OC90: variants seen among roughly 807,000 people sequenced by gnomAD.
OC90 encodes otoconin 90.
OC90 carries 46 observed loss-of-function variants against 47.3 expected under a neutral mutation model. That is an observed-to-expected ratio of 0.97 (90% CI 0.77 to 1.24). The LOEUF is 1.24. Ranked by LOEUF, OC90 falls within the 50% of genes most tolerant of loss-of-function variation. The pLI, the probability that OC90 is intolerant of heterozygous loss-of-function variation, is 0.00. For missense variants in OC90, 688 were observed against 583.9 expected (o/e 1.18, Z -1.84); for synonymous variants, 271 against 219.5 (o/e 1.23, Z -2.07).
Position 132,024,314 on chromosome 8 carries a change from C to T in OC90, c.*167G>A, listed in dbSNP as rs112589631. On this transcript the variant is annotated 3_prime_UTR_variant, in exon 14 of 14. Transcript: ENST00000254627. Reference sequence around the variant, plus strand: ...AAGTGTACATTGGCTTGTGAGGTGACCACAGCTGATGAGGCATGGGCAGGG... The same window carrying T: ...AAGTGTACATTGGCTTGTGAGGTGATCACAGCTGATGAGGCATGGGCAGGG... The T allele has an allele frequency of 0.012, 6,807 of 562,326 alleles. 66 individuals carry two copies. Among genetic ancestry groups the T allele is most frequent in the Non-Finnish European group, 0.016 (5,173 of 324,362 alleles). The allele number at this position is 562,326 out of a possible 1,614,324, so 34.8% of individuals were successfully genotyped here.
intron 13 of OC90, among the ~76,000 whole-genome samples, chr8:132,026,610 G>A (rs573741419): frequency 3.9e-5 from 6 of 152,192 alleles, no homozygotes; most frequent in Non-Finnish European, 7.3e-5. Context: ...TGGTACAGGA[G>A]GCTATCCTTA....
chr8:132,037,736 G>A (rs1359721387), intron 8 of OC90, among the ~76,000 whole-genome samples: 1 of 152,216 alleles, frequency 6.6e-6, no homozygotes, highest in East Asian at 1.9e-4. Flanking sequence ...TTCAGGTTCA[G>A]ATCCTGGCTG....
At chr8:132,030,028 G>A (rs980130992) in intron 12 of OC90, among the ~76,000 whole-genome samples, 4 of 151,882 alleles carry the variant, frequency 2.6e-5, no homozygotes, top group Admixed American at 6.6e-5. Context: ...TAACTTTTCC[G>A]CATTGCTAGC....
intron 2 of OC90, among the ~76,000 whole-genome samples, chr8:132,046,882 G>C (rs1189641157): frequency 3.3e-5 from 5 of 152,162 alleles, no homozygotes; most frequent in Non-Finnish European, 7.4e-5. Flanking sequence ...CCCCCAGGTG[G>C]TGTCTGAGTT....
chr8:132,041,724 G>A (rs749731732), intron 4 of OC90, 25 bp from the exon 5 acceptor site: 7 of 1,477,112 alleles, frequency 4.7e-6, no homozygotes, highest in South Asian at 3.5e-5. Context: ...GGCAGGGCCT[G>A]ATAAGCACTG....
chr8:132,038,825 G>T lies in OC90; in HGVS notation c.593C>A (p.Thr198Asn). ...AAGTGTTGTCAAGTCTTCCTTGATG[G>T]TTGTCTCTGAAAAGAAAACACTTTG... ...SFCLAQTPET[T>N]IKEDLTTLLP... is the part of the protein sequence containing the mutation. Residue 198 changes from threonine to asparagine, a missense_variant, in exon 8 of 14, where the codon ACC becomes AAC. By Grantham distance (65) the Thr-to-Asn change is moderately conservative. Transcript: ENST00000254627. 1 of 1,613,872 alleles carries T rather than the reference G, an allele frequency of 6.2e-7. No homozygotes were observed.
intron 3 of OC90, 78 bp downstream of exon 3, chr8:132,045,740 C>T: frequency 2.4e-6 from 2 of 822,920 alleles, no homozygotes; most frequent in South Asian, 1.5e-5. Context: ...AGGGTGTATT[C>T]AGAAGGGATC....
At chr8:132,056,788 A>G (rs189832371) in intron 1 of OC90, among the ~76,000 whole-genome samples, 10 of 152,330 alleles carry the variant, frequency 6.6e-5, no homozygotes, top group African/African-American at 2.4e-4. Context: ...CCTCATTGAA[A>G]TGATACCCAC....
In OC90 at chr8:132,031,952, C is replaced by T. The variant is rs772606504; in HGVS notation, c.960G>A (p.Pro320=). ...EMLFCLTSRC[P]EEFESYGCYC... is the part of the protein sequence containing the mutation. ...AACAGCCATAAGACTCAAATTCCTC[C>T]GGGCACCGGGATGTCAGACAAAAGA... Residue 320 remains proline (P), a synonymous_variant, in exon 12 of 14, where the codon CCG becomes CCA. Transcript: ENST00000254627. 36 of 1,613,898 alleles carry T rather than the reference C, an allele frequency of 2.2e-5. No homozygotes were observed. The highest frequency in any genetic ancestry group is 6.7e-5 in the African/African-American group (5 of 74,946).
chr8:132,032,086 A>G (rs932833107), intron 11 of OC90, 34 bp from the exon 12 acceptor site: 43 of 1,601,300 alleles, frequency 2.7e-5, no homozygotes, highest in African/African-American at 4.0e-5. Flanking sequence ...GAGAGCAAGG[A>G]CTGTCGGGGC....
At chr8:132,049,308 G>A (rs1823181291) in intron 2 of OC90, among the ~76,000 whole-genome samples, 1 of 146,874 alleles carries the variant, frequency 6.8e-6, no homozygotes, top group Non-Finnish European at 1.5e-5. Context: ...AAGATCTCCA[G>A]CTTCTTAATG....
intron 2 of OC90, among the ~76,000 whole-genome samples, chr8:132,048,389 A>G (rs1823163896): frequency 1.3e-5 from 2 of 151,872 alleles, no homozygotes; most frequent in African/African-American, 4.9e-5. Flanking sequence ...CACAGAAGGA[A>G]CTGAGAGCAA....
rs183454073 is a variant in OC90, at chr8:132,024,576, C to T, written c.1339G>A (p.Glu447Lys). Residue 447 changes from glutamate to lysine, a missense_variant, in exon 14 of 14, where the codon GAG (glutamate) becomes AAG (lysine). Transcript: ENST00000254627. ...TLGSSSEEDS[E>K]EDPPQEDLGR... ...AGGTCCTCCTGTGGAGGGTCCTCCTCGCTGTCCTCCTCAGAGCTGGAGCCC... is the reference window on the plus strand; with the variant it reads ...AGGTCCTCCTGTGGAGGGTCCTCCTTGCTGTCCTCCTCAGAGCTGGAGCCC... 162 of 1,613,344 alleles carry T rather than the reference C, an allele frequency of 1.0e-4. No individual in the cohort carries two copies. The highest frequency in any genetic ancestry group is 6.7e-4 in the African/African-American group (50 of 75,058).
rs1324125099 is a variant in OC90, at chr8:132,059,349, C to T, written c.-56G>A. On this transcript the variant is annotated 5_prime_UTR_variant, in exon 1 of 14. Transcript: ENST00000254627. ...GAATAACAGATGCCTACCGTGAAGG[C>T]TCCACTGGAGTGCAGCTGGATGAAT... is the stretch of plus-strand genomic sequence containing the variant. The T allele has an allele frequency of 1.3e-5, 2 of 151,438 alleles. No individual in the cohort carries two copies. Among genetic ancestry groups the T allele is most frequent in the African/African-American group, 4.8e-5 (2 of 41,276 alleles). The allele number at this position is 151,438 out of a possible 1,614,324, so 9.4% of individuals were successfully genotyped here.
intron 13 of OC90, among the ~76,000 whole-genome samples, 186 bp from the exon 14 acceptor site, chr8:132,024,962 A>G (rs1822734554): frequency 6.6e-6 from 1 of 152,212 alleles, no homozygotes; most frequent in Non-Finnish European, 1.5e-5. Context: ...TCCCTCTGCC[A>G]GGAATGCTGT....
chr8:132,043,305 C>A (rs1407836290), intron 4 of OC90, among the ~76,000 whole-genome samples: 2 of 152,188 alleles, frequency 1.3e-5, no homozygotes, highest in Admixed American at 6.5e-5. Flanking sequence ...TCCTGTTAAC[C>A]CTGTAAGGCA....
chr8:132,038,679 C>G, intron 8 of OC90, 111 bp downstream of exon 8: 6 of 826,334 alleles, frequency 7.3e-6, no homozygotes, highest in East Asian at 5.2e-5. Context: ...TCCAGTGTCA[C>G]AGTCACTCCA....
intron 2 of OC90, 51 bp from the exon 3 acceptor site, chr8:132,045,934 A>C: frequency 9.8e-7 from 1 of 1,020,978 alleles, no homozygotes; most frequent in Admixed American, 2.1e-5. Flanking sequence ...GATACAATTC[A>C]CTTGCTGGAC....
At chr8:132,036,246 T>C in intron 9 of OC90, 1 of 668,584 alleles carries the variant, frequency 1.5e-6, no homozygotes, top group Non-Finnish European at 2.7e-6. Context: ...GTAAAATGGG[T>C]ATAATAATAT....
Sources: gnomAD v4.1 joint callset for allele counts (sites outside exome capture counted in the v4.1 genomes callset) on GRCh38, gnomAD v4.1.1 for gene constraint, MANE v1.5 for transcripts, NCBI Gene and HGNC (gene_info 2026-07-23, HGNC 2026-07-21) for gene names.